The following CRYL1 variants were observed in gnomAD, a reference collection of about 807,000 sequenced individuals.
CRYL1 encodes the protein lambda-crystallin homolog.
A neutral mutation model predicts 36.6 loss-of-function variants in CRYL1; 29 were observed. That is an observed-to-expected ratio of 0.79 (90% CI 0.59 to 1.08). The LOEUF is 1.08. CRYL1 is among the 50% of genes least tolerant of loss of function. The probability of loss-of-function intolerance (pLI) is 0.00; values close to 1 mark genes in which losing one functional copy is unlikely to be tolerated. For synonymous variants in CRYL1, 152 were observed against 151.5 expected (o/e 1.00, Z -0.02); for missense variants, 411 against 407.9 (o/e 1.01, Z -0.06).
At chr13:20,497,308 G>A (rs9509253) in intron 2 of CRYL1, among the ~76,000 whole-genome samples, 3,253 of 7,014 alleles carry the variant, frequency 0.46, 998 homozygotes, top group East Asian at 0.96. Context: ...TACACACACC[G>A]CATATACACA....
chr13:20,456,722 C>T (rs2032700235), intron 3 of CRYL1, among the ~76,000 whole-genome samples: 2 of 151,932 alleles, frequency 1.3e-5, no homozygotes, highest in Admixed American at 6.6e-5. Flanking sequence ...CCTTCTCTTC[C>T]TAGCCAGCTA....
intron 2 of CRYL1, among the ~76,000 whole-genome samples, chr13:20,500,217 T>C (rs2033679930): frequency 6.6e-6 from 1 of 152,250 alleles, no homozygotes; most frequent in Non-Finnish European, 1.5e-5. Context: ...TTTCAGAGTC[T>C]GAAGAATTTT....
chr13:20,475,237 C>T (rs897102082), intron 3 of CRYL1, among the ~76,000 whole-genome samples: 1 of 152,144 alleles, frequency 6.6e-6, no homozygotes, highest in Admixed American at 6.5e-5. Context: ...CATCACACCC[C>T]GTGTCTCTCC....
intron 2 of CRYL1, among the ~76,000 whole-genome samples, chr13:20,496,308 G>A (rs1030380495): frequency 6.6e-6 from 1 of 152,118 alleles, no homozygotes; most frequent in Admixed American, 6.6e-5. Flanking sequence ...AGATGAAAAA[G>A]CTCTGCAGAT....
At chr13:20,492,001 T>G (rs1411253373) in intron 2 of CRYL1, among the ~76,000 whole-genome samples, 2 of 152,066 alleles carry the variant, frequency 1.3e-5, no homozygotes, top group Non-Finnish European at 2.9e-5. Flanking sequence ...TGAAACATCA[T>G]GGAGGGAAAT....
intron 1 of CRYL1, among the ~76,000 whole-genome samples, chr13:20,523,805 T>G (rs779130974): frequency 7.2e-5 from 11 of 152,294 alleles, no homozygotes; most frequent in Non-Finnish European, 1.3e-4. Flanking sequence ...GAAGCCTTTC[T>G]CTAATTCCTT....
intron 3 of CRYL1, among the ~76,000 whole-genome samples, chr13:20,471,414 A>G (rs2033056302): frequency 6.6e-6 from 1 of 152,124 alleles, no homozygotes; most frequent in Non-Finnish European, 1.5e-5. Flanking sequence ...TTGTATTGTT[A>G]GTAGAGACTG....
At chr13:20,496,280 A>T (rs2033603307) in intron 2 of CRYL1, among the ~76,000 whole-genome samples, 1 of 152,206 alleles carries the variant, frequency 6.6e-6, no homozygotes, top group Non-Finnish European at 1.5e-5. Context: ...TTTAATGGGC[A>T]CAGAGTTCAG....
intron 3 of CRYL1, among the ~76,000 whole-genome samples, chr13:20,448,343 G>C (rs1248426508): frequency 1.3e-5 from 2 of 151,326 alleles, no homozygotes; most frequent in Non-Finnish European, 2.9e-5. Flanking sequence ...TGGGACCTCA[G>C]AAGTAAAAGA....
intron 3 of CRYL1, among the ~76,000 whole-genome samples, chr13:20,453,904 GA>G (rs1243281166): frequency 3.3e-5 from 5 of 152,116 alleles, no homozygotes; most frequent in African/African-American, 1.2e-4. Context: ...CTACAACTTA[GA>G]ACAAATGGAC....
At chr13:20,495,604 G>C (rs908726393) in intron 2 of CRYL1, among the ~76,000 whole-genome samples, 1 of 152,160 alleles carries the variant, frequency 6.6e-6, no homozygotes, top group Non-Finnish European at 1.5e-5. Context: ...GTTAAAAATA[G>C]AGCCACCATA....
At chr13:20,470,320 A>C (rs9550652) in intron 3 of CRYL1, among the ~76,000 whole-genome samples, 96,450 of 152,036 alleles carry the variant, frequency 0.63, 33,423 homozygotes, top group South Asian at 0.82. Context: ...GTGCTTCCCC[A>C]GAATGCAGGC....
chr13:20,507,004 A>AAGGAAGGGGTGGT, intron 2 of CRYL1, among the ~76,000 whole-genome samples: 1 of 152,182 alleles, frequency 6.6e-6, no homozygotes, highest in African/African-American at 2.4e-5. Context: ...AATAAGTCTC[A>AAGGAAGGGGTGGT]CGAGATCTGA....
intron 1 of CRYL1, among the ~76,000 whole-genome samples, chr13:20,523,973 T>C (rs2034141465): frequency 6.6e-6 from 1 of 152,156 alleles, no homozygotes; most frequent in East Asian, 1.9e-4. Context: ...GATGGACCTA[T>C]ACAAGGCCAA....
In CRYL1 at chr13:20,415,871, C is replaced by T. The variant is rs968612786; in HGVS notation, c.634-2484G>A. ...GCGCGCGTTCTTTCGTGACTTGTCT[C>T]TCACCATCCTGTTTCTCAGATTCAC... is the stretch of plus-strand genomic sequence containing the variant. On this transcript the variant is annotated intron_variant, in intron 5 of 7. Transcript: ENST00000298248. The surrounding 1 kb of genome is among the most constrained non-coding windows in gnomAD (Gnocchi z 4.1). 6.6e-6 allele frequency among the ~76,000 whole-genome samples: 1 copy of T among 152,212 alleles called. No individual in the cohort carries two copies. Among genetic ancestry groups the T allele is most frequent in the Non-Finnish European group, 1.5e-5 (1 of 68,034 alleles).
intron 2 of CRYL1, among the ~76,000 whole-genome samples, chr13:20,491,341 T>C (rs1393873781): frequency 6.6e-6 from 1 of 152,222 alleles, no homozygotes; most frequent in Non-Finnish European, 1.5e-5. Flanking sequence ...TATCTTATTT[T>C]GGACAATTAT....
intron 5 of CRYL1, chr13:20,418,263 CAG>C (rs2031719641): frequency 6.6e-6 from 1 of 152,232 alleles, no homozygotes; most frequent in Non-Finnish European, 1.5e-5. Flanking sequence ...CTGACCCTCT[CAG>C]GGGACAGATA....
intron 3 of CRYL1, among the ~76,000 whole-genome samples, chr13:20,459,576 A>G (rs1348624084): frequency 6.6e-6 from 1 of 152,350 alleles, no homozygotes; most frequent in East Asian, 1.9e-4. Flanking sequence ...GGAGGCCATA[A>G]TCCTAATTGA....
intron 6 of CRYL1, among the ~76,000 whole-genome samples, chr13:20,406,873 C>T (rs531997835): frequency 2.6e-5 from 4 of 151,822 alleles, no homozygotes; most frequent in African/African-American, 9.6e-5. Context: ...TTCCATCTCC[C>T]TCTCCTACCA....
Sources: gnomAD v4.1 joint callset for allele counts (sites outside exome capture counted in the v4.1 genomes callset) on GRCh38, gnomAD v4.1.1 for gene constraint, Gnocchi (gnomAD v3.1) non-coding constraint, MANE v1.5 for transcripts, NCBI Gene and HGNC (gene_info 2026-07-23, HGNC 2026-07-21) for gene names.